Variants in TOP3A observed in about 807,000 individuals in gnomAD.
TOP3A encodes DNA topoisomerase III alpha.
A neutral mutation model predicts 111.3 loss-of-function variants in TOP3A; 64 were observed. That is an observed-to-expected ratio of 0.57 (90% CI 0.47 to 0.71). The LOEUF is 0.71. Ranked by LOEUF, TOP3A falls within the 30% of genes least tolerant of loss-of-function variation. The pLI is 0.00. For synonymous variants in TOP3A, 484 were observed against 485.1 expected, an observed-to-expected ratio of 1.00 and a Z score of 0.03; for missense variants, 1,104 against 1,285.0, an observed-to-expected ratio of 0.86 and a Z score of 2.15.
intron 9 of TOP3A, among the ~76,000 whole-genome samples, chr17:18,299,353 C>A (rs778761893): frequency 1.3e-4 from 20 of 152,122 alleles, no homozygotes; most frequent in Non-Finnish European, 2.5e-4. Context: ...ATCTCTTGAG[C>A]CCAGAAGTTT....
intron 9 of TOP3A, among the ~76,000 whole-genome samples, chr17:18,297,992 G>A (rs1318619141): frequency 6.7e-6 from 1 of 148,984 alleles, no homozygotes; most frequent in African/African-American, 2.5e-5. Context: ...GCCTCTTCCC[G>A]GCCGCCATCC....
chr17:18,286,209 AG>A (rs1430453204), intron 13 of TOP3A, among the ~76,000 whole-genome samples: 2 of 141,224 alleles, frequency 1.4e-5, no homozygotes, highest in Non-Finnish European at 3.2e-5. Context: ...AAAAAAAAAA[AG>A]AAAAAAAAAA....
At chr17:18,290,795 TCACAA>T in intron 12 of TOP3A, 42 bp downstream of exon 12, 2 of 1,601,354 alleles carry the variant, frequency 1.2e-6, no homozygotes, top group Non-Finnish European at 1.7e-6. Flanking sequence ...AACTCAGGGC[TCACAA>T]CACAACTGTC....
At chr17:18,276,598 C>A (rs528700466) in intron 18 of TOP3A, among the ~76,000 whole-genome samples, 1 of 152,318 alleles carries the variant, frequency 6.6e-6, no homozygotes, top group Admixed American at 6.5e-5. Context: ...TCTTGTTGAG[C>A]AAACTTGAGG....
At chr17:18,308,841 T>C (rs762439932) in intron 2 of TOP3A, 41 bp downstream of exon 2, 2 of 1,348,480 alleles carry the variant, frequency 1.5e-6, no homozygotes, top group East Asian at 2.4e-5. Flanking sequence ...TACTTTCTCT[T>C]GCTTATGATT....
Position 18,277,797 on chromosome 17 carries a change from G to T in TOP3A, c.2705C>A (p.Pro902His), listed in dbSNP as rs375512377. The change falls in exon 18 of 19, where the codon CCC becomes CAC. Residue 902 changes from proline (P) to histidine (H), a missense_variant. Physicochemically the swap from Pro to His is moderately conservative, Grantham distance 77 (BLOSUM62 -2). Transcript: ENST00000321105. ...CTTCTGCACAGTCCGTGTGACGGAG[G>T]GCTGGCTGCAAAGGCAGGATGTGCC... ...GSGTSCLCSQ[P>H]SVTRTVQKDG... 1 of 1,614,176 alleles carries T rather than the reference G, an allele frequency of 6.2e-7. No individual in the cohort carries two copies. The highest frequency in any genetic ancestry group is 8.5e-7 in the Non-Finnish European group (1 of 1,180,040).
intron 13 of TOP3A, among the ~76,000 whole-genome samples, chr17:18,289,199 G>A (rs1225869535): frequency 6.6e-6 from 1 of 152,166 alleles, no homozygotes; most frequent in Non-Finnish European, 1.5e-5. Flanking sequence ...TTTTTTAGTA[G>A]TGATGGGGTT....
chr17:18,302,076 A>G, intron 7 of TOP3A, 91 bp from the exon 8 acceptor site: 2 of 1,415,854 alleles, frequency 1.4e-6, no homozygotes, highest in South Asian at 1.2e-5. Context: ...GTGAAAGTCA[A>G]ACGAATATCA....
intron 4 of TOP3A, chr17:18,306,566 C>A: frequency 4.9e-6 from 1 of 202,478 alleles, no homozygotes. Context: ...TAGGGTCTCA[C>A]TATGTTGCCC....
At chr17:18,280,213 C>T (rs1434556533) in intron 17 of TOP3A, 1 of 167,144 alleles carries the variant, frequency 6.0e-6, no homozygotes, top group Non-Finnish European at 1.3e-5. Flanking sequence ...CTACGTAGCC[C>T]AAGCTTGGAT....
In TOP3A at chr17:18,271,904, A is replaced by C. The variant is rs1402841473; in HGVS notation, c.*2898T>G. 6.1e-6 allele frequency: 2 copies of C among 327,246 alleles called. No homozygotes were observed. The highest frequency in any genetic ancestry group is 9.1e-5 in the Admixed American group (2 of 22,014). The allele number at this position is 327,246 out of a possible 1,614,324, so 20.3% of individuals were successfully genotyped here. On this transcript the variant is annotated 3_prime_UTR_variant, in exon 19 of 19. Transcript: ENST00000321105. ...ATGGTGAAACCCCGTCTTTACTAAA[A>C]ATACTAAACAAATTAGCTGGGTGTG...
intron 16 of TOP3A, among the ~76,000 whole-genome samples, chr17:18,281,760 A>T (rs1181433921): frequency 6.6e-6 from 1 of 152,012 alleles, no homozygotes; most frequent in African/African-American, 2.4e-5. Context: ...GGAGGTGAGG[A>T]GTTGAGAAAC....
At chr17:18,302,105 G>C in intron 7 of TOP3A, 120 bp from the exon 8 acceptor site, 1 of 1,359,776 alleles carries the variant, frequency 7.4e-7, no homozygotes, top group Non-Finnish European at 1.0e-6. Context: ...GGAGTTTCTG[G>C]ATAACAAAGG....
intron 7 of TOP3A, 46 bp downstream of exon 7, chr17:18,302,218 C>T (rs959397882): frequency 1.9e-6 from 3 of 1,561,026 alleles, no homozygotes; most frequent in Non-Finnish European, 2.6e-6. Context: ...CCTCCTTAAC[C>T]TTGAGCCCAT....
At position 18,274,656 on chromosome 17, in the gene TOP3A, C is replaced by G. The variant is rs915176415; in HGVS notation, c.*146G>C. Reference sequence around the variant, plus strand: ...CCAGAGTGATCTGGACCTTGTGCCCCTTAACACAAGAAGGCCCGACTCCAA... The same window carrying G: ...CCAGAGTGATCTGGACCTTGTGCCCGTTAACACAAGAAGGCCCGACTCCAA... On this transcript the variant is annotated 3_prime_UTR_variant, in exon 19 of 19. Coordinates refer to ENST00000321105, the MANE Select transcript of TOP3A (RefSeq NM_004618.5). 10 of 1,375,928 alleles carry G rather than the reference C, an allele frequency of 7.3e-6. No homozygotes were observed. In the African/African-American group the frequency reaches 1.5e-4, roughly 20 times the overall value. 85.2% of individuals were successfully genotyped at this position (1,375,928 alleles called of 1,614,324 possible).
intron 18 of TOP3A, 128 bp from the exon 19 acceptor site, chr17:18,275,108 C>T (rs1029834995): frequency 3.0e-5 from 41 of 1,372,630 alleles, no homozygotes; most frequent in Admixed American, 7.7e-5. Context: ...TGCTTGAGCC[C>T]AGGAGTTCAA....
At chr17:18,286,619 G>A (rs1295643059) in intron 13 of TOP3A, among the ~76,000 whole-genome samples, 1 of 152,152 alleles carries the variant, frequency 6.6e-6, no homozygotes, top group Non-Finnish European at 1.5e-5. Flanking sequence ...GTAAGGATGT[G>A]GATAAACTGG....
intron 11 of TOP3A, among the ~76,000 whole-genome samples, chr17:18,292,113 A>C (rs983594181): frequency 6.6e-6 from 1 of 152,216 alleles, no homozygotes; most frequent in Non-Finnish European, 1.5e-5. Context: ...AGATGTAAAC[A>C]AGCATTTCCC....
At chr17:18,275,635 T>C (rs552642107) in intron 18 of TOP3A, among the ~76,000 whole-genome samples, 1 of 151,256 alleles carries the variant, frequency 6.6e-6, no homozygotes. Context: ...GTGCTGGGAT[T>C]ACAGGCGTGA....
Sources: gnomAD v4.1 joint callset for allele counts (sites outside exome capture counted in the v4.1 genomes callset) on GRCh38, gnomAD v4.1.1 for gene constraint, MANE v1.5 for transcripts, NCBI Gene and HGNC (gene_info 2026-07-23, HGNC 2026-07-21) for gene names.